SNAP91: variants seen among roughly 807,000 people sequenced by gnomAD.
SNAP91 encodes the protein clathrin coat assembly protein AP180.
Under a neutral mutation model 100.3 loss-of-function variants are expected in SNAP91, and 27 were observed. The ratio of observed to expected loss-of-function variants is 0.27; its 90% CI spans 0.20 to 0.37. The LOEUF (loss-of-function observed/expected upper bound fraction) is 0.37, where lower values mean the gene tolerates loss of function less well. SNAP91 is among the 10% of genes least tolerant of loss of function. The probability of loss-of-function intolerance (pLI) is 1.00; values close to 1 mark genes in which losing one functional copy is unlikely to be tolerated. For missense variants in SNAP91, 986 were observed against 1,123.7 expected, an observed-to-expected ratio of 0.88 and a Z score of 1.75; for synonymous variants, 404 against 398.6, an observed-to-expected ratio of 1.01 and a Z score of -0.16.
At chr6:83,672,207 A>G (rs534710759) in intron 2 of SNAP91, among the ~76,000 whole-genome samples, 32 of 152,024 alleles carry the variant, frequency 2.1e-4, no homozygotes, top group Non-Finnish European at 4.4e-4. Flanking sequence ...CTCTATAGAG[A>G]GCTCATCTCT....
intron 7 of SNAP91, among the ~76,000 whole-genome samples, chr6:83,649,278 G>C (rs1157041721): frequency 1.3e-5 from 2 of 152,140 alleles, no homozygotes; most frequent in Non-Finnish European, 2.9e-5. Context: ...GTAGCCCTCA[G>C]TGGTCTGGGG....
chr6:83,682,498 C>A (rs1332474174), intron 2 of SNAP91, among the ~76,000 whole-genome samples: 1 of 152,004 alleles, frequency 6.6e-6, no homozygotes, highest in Non-Finnish European at 1.5e-5. Flanking sequence ...TGAGCCACTG[C>A]ACCTGGCCTA....
chr6:83,575,327 A>G, intron 25 of SNAP91: 1 of 551,820 alleles, frequency 1.8e-6, no homozygotes, highest in Non-Finnish European at 3.2e-6. Flanking sequence ...AAAAAAAATC[A>G]TTTAGAGTTT....
Position 83,614,162 on chromosome 6 carries a change from A to G in SNAP91, c.884+695T>C, listed in dbSNP as rs542438164. On this transcript the variant is annotated intron_variant, in intron 11 of 29. Transcript: ENST00000369694. ...CCAGAAAAAAATACAGATGTGAAAG[A>G]TCTATCTACATCCTTCAAATAACTT... Among the ~76,000 whole-genome samples, 11 of 152,328 alleles carry G rather than the reference A, an allele frequency of 7.2e-5. No homozygotes were observed. The South Asian group carries it at 2.3e-3, about 32-fold the overall frequency.
chr6:83,665,319 T>C, intron 3 of SNAP91, 120 bp downstream of exon 3: 1 of 962,190 alleles, frequency 1.0e-6, no homozygotes, highest in Middle Eastern at 2.3e-4. Flanking sequence ...GATCCGGAAC[T>C]GTGTATTTCC....
chr6:83,699,127 C>A (rs2099259925), intron 2 of SNAP91, among the ~76,000 whole-genome samples: 1 of 152,118 alleles, frequency 6.6e-6, no homozygotes, highest in Admixed American at 6.5e-5. Context: ...TGACCCCAGG[C>A]TCCCTAGGAT....
At chr6:83,584,472 T>C (rs1169688972) in intron 22 of SNAP91, among the ~76,000 whole-genome samples, 1 of 151,792 alleles carries the variant, frequency 6.6e-6, no homozygotes, top group Non-Finnish European at 1.5e-5. Flanking sequence ...TATGCTAAGA[T>C]CACATCTATA....
chr6:83,568,260 C>T (rs181182092), intron 26 of SNAP91, among the ~76,000 whole-genome samples: 25 of 152,112 alleles, frequency 1.6e-4, no homozygotes, highest in African/African-American at 5.8e-4. Flanking sequence ...AAACCAAACA[C>T]CGCATGTTCT....
rs182826109 is a variant in SNAP91 at position 83,616,921 on chromosome 6, C to T, written c.878+48G>A. ...ATGATAAATCTCATTCTTAGAAGAA[C>T]GACTGTAGTATTTTTCATCTTATTT... On this transcript the variant is annotated intron_variant, in intron 10 of 29. Coordinates refer to ENST00000369694, the MANE Select transcript of SNAP91 (RefSeq NM_001242792.2). 1,151 of 1,164,376 alleles carry T rather than the reference C, an allele frequency of 9.9e-4. 1 individual carries two copies. Among genetic ancestry groups the T allele is most frequent in the Middle Eastern group, 1.9e-3 (7 of 3,732 alleles). 72.1% of individuals were successfully genotyped at this position (1,164,376 alleles called of 1,614,324 possible).
Position 83,594,397 on chromosome 6 carries a change from G to A in SNAP91, c.1409C>T (p.Ala470Val). ...APATPTPVAAALDACSGNDPF... is the reference protein window; with the variant it reads ...APATPTPVAAVLDACSGNDPF... ...ACCATTTCCTGAACATGCATCAAGT[G>A]CTGCTGCTACAGGGGTTGGGGTAGC... The change falls in exon 17 of 30, where the codon GCA becomes GTA. Residue 470 changes from alanine (A) to valine (V), a missense_variant. Physicochemically the swap from Ala to Val is moderately conservative, Grantham distance 64. This residue lies in a region of SNAP91 where 575 missense variants were observed against 579.9 expected (regional missense o/e 0.99). Coordinates refer to ENST00000369694, the MANE Select transcript of SNAP91 (RefSeq NM_001242792.2). The A allele has an allele frequency of 1.3e-6, 2 of 1,553,360 alleles. No homozygotes were observed. Among genetic ancestry groups the A allele is most frequent in the Non-Finnish European group, 1.7e-6 (2 of 1,147,684 alleles).
intron 26 of SNAP91, among the ~76,000 whole-genome samples, chr6:83,573,936 G>A (rs1237240613): frequency 1.3e-5 from 2 of 152,196 alleles, no homozygotes; most frequent in Admixed American, 6.5e-5. Context: ...GGCAACAGAA[G>A]CCAAAATTGA....
intron 22 of SNAP91, among the ~76,000 whole-genome samples, chr6:83,586,352 C>A (rs183497568): frequency 3.9e-4 from 59 of 152,290 alleles, no homozygotes; most frequent in Middle Eastern, 3.4e-3. Context: ...TGCAAAACTA[C>A]AAAGGGCCTC....
At chr6:83,678,428 G>A (rs550361150) in intron 2 of SNAP91, among the ~76,000 whole-genome samples, 16 of 151,708 alleles carry the variant, frequency 1.1e-4, no homozygotes, top group Non-Finnish European at 2.2e-4. Flanking sequence ...GAGTGCTCTC[G>A]AGCCATAAAA....
In SNAP91 at chr6:83,642,243, G is replaced by A. The variant is rs187781454; in HGVS notation, c.659-1041C>T. On this transcript the variant is annotated intron_variant, in intron 7 of 29. Coordinates refer to ENST00000369694, the MANE Select transcript of SNAP91 (RefSeq NM_001242792.2). ...CTAGGGTGCATATGCACAACGTGCA[G>A]GTTTGTTACATATGTATACATGTGC... is the stretch of plus-strand genomic sequence containing the variant. 3.9e-4 allele frequency among the ~76,000 whole-genome samples: 60 copies of A among 152,148 alleles called. 1 individual carries two copies. Among genetic ancestry groups the A allele is most frequent in the Admixed American group, 3.4e-3 (52 of 15,282 alleles).
chr6:83,598,132 C>G (rs2094698357), intron 16 of SNAP91, among the ~76,000 whole-genome samples: 1 of 152,132 alleles, frequency 6.6e-6, no homozygotes, highest in African/African-American at 2.4e-5. Flanking sequence ...AATCAATGTG[C>G]TATTGTCAGT....
chr6:83,643,367 T>G (rs1217349330), intron 7 of SNAP91, among the ~76,000 whole-genome samples: 1 of 152,226 alleles, frequency 6.6e-6, no homozygotes, highest in Non-Finnish European at 1.5e-5. Context: ...AATTTTTGTA[T>G]AAGGTGTAAG....
At chr6:83,566,331 A>G (rs1796528856) in intron 26 of SNAP91, among the ~76,000 whole-genome samples, 1 of 152,204 alleles carries the variant, frequency 6.6e-6, no homozygotes, top group Non-Finnish European at 1.5e-5. Context: ...TTAAGTTGTT[A>G]AAATAGTGAA....
intron 7 of SNAP91, among the ~76,000 whole-genome samples, chr6:83,648,217 C>A (rs538784623): frequency 6.6e-6 from 1 of 152,152 alleles, no homozygotes; most frequent in Non-Finnish European, 1.5e-5. Flanking sequence ...ACATTACACA[C>A]TCTCTTTTCT....
At chr6:83,598,780 A>G (rs2094815612) in intron 16 of SNAP91, among the ~76,000 whole-genome samples, 1 of 152,166 alleles carries the variant, frequency 6.6e-6, no homozygotes, top group Non-Finnish European at 1.5e-5. Context: ...AAATCTCTGA[A>G]TAATTTCTTA....
Sources: allele counts gnomAD v4.1 joint callset (sites outside exome capture counted in the v4.1 genomes callset), GRCh38; gene constraint gnomAD v4.1.1; regional missense constraint gnomAD v4.1.1; transcripts MANE v1.5; gene names NCBI Gene and HGNC (gene_info 2026-07-23, HGNC 2026-07-21).